Variants in TATDN1 observed in about 807,000 individuals in gnomAD.
TATDN1 encodes the protein TatD DNase domain containing 1.
In TATDN1, 40 loss-of-function variants were observed where a neutral mutation model predicts 46.4. The ratio of observed to expected loss-of-function variants is 0.86; its 90% CI spans 0.67 to 1.12. TATDN1 has a LOEUF of 1.12. Among genes scored for constraint, TATDN1 ranks in the 50% most tolerant of loss-of-function variants. The pLI is 0.00. For synonymous variants in TATDN1, 95 were observed against 105.6 expected (o/e 0.90, Z 0.62); for missense variants, 326 against 348.4 (o/e 0.94, Z 0.51).
chr8:124,492,714 A>G (rs1817120859), intron 11 of TATDN1, among the ~76,000 whole-genome samples: 1 of 143,946 alleles, frequency 6.9e-6, no homozygotes, highest in Non-Finnish European at 1.5e-5. Flanking sequence ...AGATCACTCC[A>G]CTGCACTCCA....
chr8:124,492,597 T>A (rs972272705), intron 11 of TATDN1, among the ~76,000 whole-genome samples: 1 of 151,734 alleles, frequency 6.6e-6, no homozygotes, highest in African/African-American at 2.4e-5. Flanking sequence ...CTACTAAAAA[T>A]ACAAAAATTA....
intron 9 of TATDN1, among the ~76,000 whole-genome samples, chr8:124,497,821 C>A (rs1182252567): frequency 6.6e-6 from 1 of 152,108 alleles, no homozygotes; most frequent in African/African-American, 2.4e-5. Flanking sequence ...TATTAGAGTA[C>A]TTCCATAAAA....
intron 1 of TATDN1, among the ~76,000 whole-genome samples, chr8:124,536,316 G>A (rs556241015): frequency 3.9e-5 from 6 of 152,068 alleles, no homozygotes; most frequent in Non-Finnish European, 5.9e-5. Context: ...TTTGGGAGGC[G>A]GAGGTGGAAG....
At chr8:124,496,402 G>T (rs560749802) in intron 9 of TATDN1, among the ~76,000 whole-genome samples, 1 of 152,138 alleles carries the variant, frequency 6.6e-6, no homozygotes, top group South Asian at 2.1e-4. Flanking sequence ...GTGTTCTGTG[G>T]GTCTGGACAA....
At chr8:124,497,878 T>C (rs1377223255) in intron 9 of TATDN1, among the ~76,000 whole-genome samples, 2 of 151,986 alleles carry the variant, frequency 1.3e-5, no homozygotes, top group Non-Finnish European at 1.5e-5. Flanking sequence ...TATATGTAGT[T>C]TGTATAAAAA....
intron 8 of TATDN1, among the ~76,000 whole-genome samples, chr8:124,507,069 G>A (rs1016008724): frequency 2.6e-5 from 4 of 152,058 alleles, no homozygotes; most frequent in African/African-American, 9.7e-5. Context: ...GGCTGAGGCA[G>A]GAGAATTGCT....
intron 1 of TATDN1, chr8:124,523,204 C>T (rs892776221): frequency 1.8e-6 from 1 of 557,898 alleles, no homozygotes. Flanking sequence ...TCAAGAAACT[C>T]ACCGCAGAAC....
chr8:124,515,366 G>C (rs1471692044), intron 6 of TATDN1, among the ~76,000 whole-genome samples: 2 of 152,132 alleles, frequency 1.3e-5, no homozygotes, highest in African/African-American at 4.8e-5. Context: ...GGGCGACAGA[G>C]AGACTCTGTC....
At chr8:124,523,048 A>C (rs757180663) in intron 1 of TATDN1, 46 bp from the exon 2 acceptor site, 6 of 1,523,202 alleles carry the variant, frequency 3.9e-6, no homozygotes, top group Admixed American at 1.8e-5. Flanking sequence ...TCTCTACATG[A>C]AACTTGTACT....
intron 4 of TATDN1, 21 bp downstream of exon 4, chr8:124,518,797 G>A: frequency 6.4e-7 from 1 of 1,571,096 alleles, no homozygotes; most frequent in Non-Finnish European, 8.7e-7. Context: ...TTTTTTTTTG[G>A]TAAAAGAAAT....
At chr8:124,504,080 T>C (rs1254225838) in intron 9 of TATDN1, 191 bp downstream of exon 9, 1 of 761,500 alleles carries the variant, frequency 1.3e-6, no homozygotes. Flanking sequence ...TCTATAACTT[T>C]CGAGCTTTAA....
intron 1 of TATDN1, among the ~76,000 whole-genome samples, chr8:124,524,271 A>G (rs2131533306): frequency 6.6e-6 from 1 of 152,342 alleles, no homozygotes; most frequent in Non-Finnish European, 1.5e-5. Flanking sequence ...GCAGAAAACT[A>G]CAAAGATATT....
rs2131314289 is a variant in TATDN1, at chr8:124,488,971, T to C, written c.792-275A>G. On this transcript the variant is annotated intron_variant, in intron 11 of 11. Transcript: ENST00000276692. ...TGTATTATGTTCACCAATTATAGCA[T>C]TAACTGAGTGGAAATGAAGAGTCCT... 8 of 363,646 alleles carry C rather than the reference T, an allele frequency of 2.2e-5. No individual in the cohort carries two copies. In the South Asian group the frequency reaches 2.3e-4, roughly 11 times the overall value. 22.5% of individuals were successfully genotyped at this position (363,646 alleles called of 1,614,324 possible). A position where few individuals can be genotyped will look rare whatever the true frequency, so the allele number is the denominator to read the frequency against.
At position 124,518,211 on chromosome 8, in the gene TATDN1, C is replaced by CA. The variant is rs374487274; in HGVS notation, c.202+606dup. On this transcript the variant is annotated intron_variant, in intron 4 of 11. Coordinates refer to ENST00000276692, the MANE Select transcript of TATDN1 (RefSeq NM_032026.4). ...TGGGCGACAGAGTGAGACTCTATCT[C>CA]AAAAAAAAAAAAAAAAAAAAAAAAA... Among the ~76,000 whole-genome samples the CA allele has an allele frequency of 3.1e-3, 109 of 34,614 alleles. 2 individuals carry two copies. The highest frequency in any genetic ancestry group is 4.2e-3 in the East Asian group (7 of 1,678). The allele number at this position is 34,614 out of a possible 152,430, so 22.7% of individuals were successfully genotyped here.
intron 3 of TATDN1, 86 bp downstream of exon 3, chr8:124,522,065 G>A: frequency 2.3e-6 from 2 of 873,312 alleles, no homozygotes; most frequent in Admixed American, 2.3e-5. Context: ...GCATTGGTTT[G>A]TTCCTTTCTA....
chr8:124,508,359 C>T, intron 8 of TATDN1, 115 bp downstream of exon 8: 1 of 810,496 alleles, frequency 1.2e-6, no homozygotes, highest in East Asian at 2.6e-5. Context: ...GTGTCATTAT[C>T]TCATGCCAGT....
At position 124,508,397 on chromosome 8, in the gene TATDN1, T is replaced by C. The variant is rs1435762207; in HGVS notation, c.516+77A>G. The C allele has an allele frequency of 3.9e-6, 5 of 1,283,938 alleles. No individual in the cohort carries two copies. In the Admixed American group the frequency reaches 8.1e-5, roughly 21 times the overall value. The allele number at this position is 1,283,938 out of a possible 1,614,324, so 79.5% of individuals were successfully genotyped here. ...TTAAAAAGGTTCAGATTTTGGAGCA[T>C]TTTGTACTTGGGAGTATTTTGGATT... On this transcript the variant is annotated intron_variant, in intron 8 of 11. Transcript: ENST00000276692.
At chr8:124,515,596 C>A in intron 6 of TATDN1, 150 bp downstream of exon 6, 1 of 666,160 alleles carries the variant, frequency 1.5e-6, no homozygotes, top group Non-Finnish European at 2.6e-6. Context: ...TGCAAGTATG[C>A]ATGGAATTTG....
chr8:124,532,322 C>T (rs1306619074), intron 1 of TATDN1, among the ~76,000 whole-genome samples: 2 of 152,166 alleles, frequency 1.3e-5, no homozygotes, highest in Non-Finnish European at 2.9e-5. Context: ...CTCACTCTGT[C>T]GCCCGGGCTG....
Sources: gnomAD v4.1 joint callset for allele counts (sites outside exome capture counted in the v4.1 genomes callset) on GRCh38, gnomAD v4.1.1 for gene constraint, MANE v1.5 for transcripts, NCBI Gene and HGNC (gene_info 2026-07-23, HGNC 2026-07-21) for gene names.